JAK1: variants seen among roughly 807,000 people sequenced by gnomAD.
JAK1 encodes tyrosine-protein kinase JAK1.
In JAK1, 16 loss-of-function variants were observed where a neutral mutation model predicts 136.6. The observed-to-expected ratio is 0.12, with a 90% CI of 0.08 to 0.18. The LOEUF is 0.18. Ranked by LOEUF, JAK1 falls within the 10% of genes least tolerant of loss-of-function variation. The probability of loss-of-function intolerance (pLI) is 1.00; values close to 1 mark genes in which losing one functional copy is unlikely to be tolerated. For missense variants in JAK1, 859 were observed against 1,450.1 expected (o/e 0.59, Z 6.62); for synonymous variants, 492 against 519.5 (o/e 0.95, Z 0.72).
rs151260505 is a variant in JAK1, at chr1:64,885,785, C to A, written c.6+474G>T. 1.7e-3 allele frequency among the ~76,000 whole-genome samples: 260 copies of A among 151,756 alleles called. 9 individuals carry two copies. In the East Asian group the frequency reaches 0.046, roughly 27 times the overall value. Reference sequence around the variant, plus strand: ...AAAAAGAAATAAGAAAAAAATCCAACTGACAATGTCCAGTAGGAGAGGACT... The same window carrying A: ...AAAAAGAAATAAGAAAAAAATCCAAATGACAATGTCCAGTAGGAGAGGACT... On this transcript the variant is annotated intron_variant, in intron 2 of 24. Transcript: ENST00000342505.
Position 64,864,797 on chromosome 1 carries a change from T to C in JAK1, c.1166A>G (p.Asn389Ser). Residue 389 changes from asparagine (N) to serine (S), a missense_variant, in exon 8 of 25, where the codon AAC (asparagine) becomes AGC (serine). By Grantham distance (46) the Asn-to-Ser change is conservative. Transcript: ENST00000342505. ...ESVVSINKQD[N>S]KKMELKLSSH... ...CTGGGACAAACTTACCATTTTCTTGTTGTCCTGCTTGTTAATGCTGACCAC... is the reference window on the plus strand; with the variant it reads ...CTGGGACAAACTTACCATTTTCTTGCTGTCCTGCTTGTTAATGCTGACCAC... 6.2e-7 allele frequency: 1 copy of C among 1,610,526 alleles called. No homozygotes were observed. The highest frequency in any genetic ancestry group is 8.5e-7 in the Non-Finnish European group (1 of 1,178,652).
chr1:64,859,979 G>T, intron 9 of JAK1, 126 bp downstream of exon 9: 1 of 741,294 alleles, frequency 1.3e-6, no homozygotes, highest in East Asian at 2.9e-5. Flanking sequence ...GGGAGGAAAG[G>T]AGGACAGCCA....
chr1:64,843,643 G>A (rs1655045039), intron 17 of JAK1, among the ~76,000 whole-genome samples: 1 of 152,132 alleles, frequency 6.6e-6, no homozygotes, highest in Non-Finnish European at 1.5e-5. Context: ...GGAAGGCAAG[G>A]CCTGTATCTT....
chr1:64,945,705 T>A (rs1395325047), intron 1 of JAK1, among the ~76,000 whole-genome samples: 1 of 150,968 alleles, frequency 6.6e-6, no homozygotes, highest in Non-Finnish European at 1.5e-5. Context: ...CTTCTCAATT[T>A]GTACCCTGTT....
chr1:64,844,806 T>C lies in JAK1; in HGVS notation c.2199A>G (p.Pro733=), dbSNP rs2230588. ...AREGIDSECG[P]FIKLSDPGIP... is the part of the protein sequence containing the mutation. Reference sequence around the variant, plus strand: ...TGCCGGGGTCACTGAGCTTGATGAATGGGCCACACTCACTGTCGATGCCCT... The same window carrying C: ...TGCCGGGGTCACTGAGCTTGATGAACGGGCCACACTCACTGTCGATGCCCT... The change falls in exon 16 of 25, where the codon CCA becomes CCG. Residue 733 remains proline (P), a synonymous_variant. Transcript: ENST00000342505. The surrounding 1 kb of genome is among the most constrained non-coding windows in gnomAD (Gnocchi z 5.7). 0.26 allele frequency: 423,248 copies of C among 1,613,788 alleles called. 62,057 individuals are homozygous for C. Among genetic ancestry groups the C allele is most frequent in the African/African-American group, 0.62 (46,518 of 74,946 alleles).
rs368092623 is a variant in JAK1, at chr1:64,965,774, G to A, written c.-78+559C>T. Among the ~76,000 whole-genome samples the A allele has an allele frequency of 1.9e-4, 29 of 152,204 alleles. 5 individuals are homozygous for A. The highest frequency in any genetic ancestry group is 3.3e-4 in the Admixed American group (5 of 15,290). ...AACAGAACCTAAGAGGGGAGGGGGCGTTTCCCGAGTTCGCGGACGCCCAAC... is the reference window on the plus strand; with the variant it reads ...AACAGAACCTAAGAGGGGAGGGGGCATTTCCCGAGTTCGCGGACGCCCAAC... On this transcript the variant is annotated intron_variant, in intron 1 of 24. Coordinates refer to ENST00000342505, the MANE Select transcript of JAK1 (RefSeq NM_002227.4).
intron 2 of JAK1, among the ~76,000 whole-genome samples, chr1:65,026,154 C>T (rs1437233203): frequency 1.3e-5 from 2 of 152,242 alleles, no homozygotes; most frequent in African/African-American, 2.4e-5. Flanking sequence ...CACCCCAACG[C>T]TACTACCTAT....
At chr1:64,946,741 T>A (rs1273788554) in intron 1 of JAK1, among the ~76,000 whole-genome samples, 4 of 150,260 alleles carry the variant, frequency 2.7e-5, no homozygotes, top group African/African-American at 9.9e-5. Flanking sequence ...GAAAGCAGGG[T>A]CTCAACGAGA....
intron 1 of JAK1, among the ~76,000 whole-genome samples, chr1:64,887,978 CACAGCATACCGTT>C (rs1263134448): frequency 5.3e-5 from 8 of 152,154 alleles, no homozygotes; most frequent in Non-Finnish European, 1.2e-4. Context: ...CAGGTTTCCT[CACAGCATACCGTT>C]ACCAGCTGCC....
At chr1:64,846,381 C>A (rs1655230128) in intron 14 of JAK1, among the ~76,000 whole-genome samples, 1 of 151,670 alleles carries the variant, frequency 6.6e-6, no homozygotes, top group Non-Finnish European at 1.5e-5. Flanking sequence ...ATTTCACTCA[C>A]CTCAGCCTCC....
intron 5 of JAK1, 62 bp from the exon 6 acceptor site, chr1:64,869,536 C>T: frequency 7.0e-7 from 1 of 1,436,726 alleles, no homozygotes. Flanking sequence ...AAGAAGGCTA[C>T]TACACAGGGA....
chr1:64,836,056 A>C (rs1256939385), intron 23 of JAK1, 42 bp downstream of exon 23: 6 of 1,082,862 alleles, frequency 5.5e-6, no homozygotes, highest in Non-Finnish European at 8.5e-6. Flanking sequence ...GACACATTTT[A>C]AATGGGTACT....
At position 65,050,723 on chromosome 1, in the gene JAK1, T is replaced by C. The variant is rs1226460243; in HGVS notation, c.-180-6141A>G. ...AACAGTGGACAGGGGAGGCAGTGTA[T>C]GGTGCAAATTTTAAAGCAATTTTAC... On this transcript the variant is annotated intron_variant, in intron 1 of 25. Transcript: ENST00000671954. 3.9e-5 allele frequency among the ~76,000 whole-genome samples: 6 copies of C among 152,352 alleles called. No individual in the cohort carries two copies. In the East Asian group the frequency reaches 1.2e-3, roughly 29 times the overall value.
At chr1:64,861,732 G>A (rs1656357887) in intron 8 of JAK1, among the ~76,000 whole-genome samples, 1 of 152,168 alleles carries the variant, frequency 6.6e-6, no homozygotes, top group Non-Finnish European at 1.5e-5. Context: ...CAGCTGTAAT[G>A]CCGAAGGAAG....
intron 2 of JAK1, among the ~76,000 whole-genome samples, chr1:64,996,182 C>T (rs1413673818): frequency 1.3e-5 from 2 of 152,206 alleles, no homozygotes; most frequent in Non-Finnish European, 2.9e-5. Flanking sequence ...TCTTACCCCA[C>T]ATGCATTATC....
chr1:64,945,638 A>G (rs989549435), intron 1 of JAK1, among the ~76,000 whole-genome samples: 1 of 151,704 alleles, frequency 6.6e-6, no homozygotes, highest in Non-Finnish European at 1.5e-5. Context: ...AGAGATGAGA[A>G]GAGCACTTAA....
chr1:65,012,654 T>C (rs546962747), intron 2 of JAK1, among the ~76,000 whole-genome samples: 1 of 151,972 alleles, frequency 6.6e-6, no homozygotes, highest in Admixed American at 6.6e-5. Context: ...TAGCTAGGCA[T>C]GATGGTGTGC....
At chr1:64,854,289 T>C (rs551000561) in intron 11 of JAK1, among the ~76,000 whole-genome samples, 1 of 152,118 alleles carries the variant, frequency 6.6e-6, no homozygotes, top group Admixed American at 6.5e-5. Flanking sequence ...ACAAGATGTG[T>C]CCCAGATAAA....
intron 2 of JAK1, among the ~76,000 whole-genome samples, chr1:64,885,695 C>A (rs310197): frequency 0.22 from 32,417 of 150,246 alleles, 4,863 homozygotes; most frequent in African/African-American, 0.42. Context: ...CGGAGGTTGC[C>A]GCGAGCCGAG....
Sources: allele counts gnomAD v4.1 joint callset (sites outside exome capture counted in the v4.1 genomes callset), GRCh38; gene constraint gnomAD v4.1.1; non-coding constraint Gnocchi (gnomAD v3.1); transcripts MANE v1.5; gene names NCBI Gene and HGNC (gene_info 2026-07-23, HGNC 2026-07-21).